ANK3: variants seen among roughly 807,000 people sequenced by gnomAD.
ANK3 encodes ankyrin-3.
A neutral mutation model predicts 370.9 loss-of-function variants in ANK3; 57 were observed. That is an observed-to-expected ratio of 0.15 (90% CI 0.12 to 0.19). The LOEUF (loss-of-function observed/expected upper bound fraction) is 0.19. Ranked by LOEUF, ANK3 falls within the 10% of genes least tolerant of loss-of-function variation. ANK3 has a pLI of 1.00. For synonymous variants in ANK3, 1,929 were observed against 1,946.3 expected, an observed-to-expected ratio of 0.99 and a Z score of 0.23; for missense variants, 4,439 against 5,302.1, an observed-to-expected ratio of 0.84 and a Z score of 5.06.
intron 4 of ANK3, among the ~76,000 whole-genome samples, chr10:60,276,479 C>T (rs2098091308): frequency 6.6e-6 from 1 of 152,160 alleles, no homozygotes; most frequent in South Asian, 2.1e-4. Context: ...CAATGCAGTT[C>T]AGAAGGCATA....
At chr10:60,054,505 C>T (rs556420518) in intron 42 of ANK3, among the ~76,000 whole-genome samples, 1 of 152,162 alleles carries the variant, frequency 6.6e-6, no homozygotes, top group Non-Finnish European at 1.5e-5. Context: ...TATATCAAAG[C>T]AACTTACTTA....
At chr10:60,420,176 C>T (rs2060115652) in intron 2 of ANK3, among the ~76,000 whole-genome samples, 1 of 152,092 alleles carries the variant, frequency 6.6e-6, no homozygotes, top group South Asian at 2.1e-4. Context: ...GGAGCACTCA[C>T]CTAACATGGG....
At position 60,636,453 on chromosome 10, in the gene ANK3, T is replaced by C. The variant is rs78176003; in HGVS notation, c.58-21229A>G. 2.0e-3 allele frequency among the ~76,000 whole-genome samples: 307 copies of C among 152,344 alleles called. 1 individual carries two copies. The highest frequency in any genetic ancestry group is 7.0e-3 in the African/African-American group (291 of 41,588). ...GTCCAACTTTCTTCTCTTCGTGTGA[T>C]GGCTAACTTTGCATCTGGTTTTTCA... On this transcript the variant is annotated intron_variant, in intron 1 of 43. Coordinates refer to the ANK3 transcript ENST00000373827.
rs1445239454 is a variant in ANK3 at position 60,086,745 on chromosome 10, C to T, written c.3680G>A (p.Gly1227Glu). Residue 1227 changes from glycine to glutamate, a missense_variant, in exon 30 of 44, where the codon GGA (glycine) becomes GAA (glutamate). Coordinates refer to ENST00000280772, the MANE Select transcript of ANK3 (RefSeq NM_020987.5). ...TMTIPVPPPSGEGVSNGYKGD... is the reference protein window; with the variant it reads ...TMTIPVPPPSEEGVSNGYKGD... Reference sequence around the variant, plus strand: ...TTTGTATCCATTGGATACACCTTCTCCTGAGGGCGGGGGCACCGGAATGGT... The same window carrying T: ...TTTGTATCCATTGGATACACCTTCTTCTGAGGGCGGGGGCACCGGAATGGT... 2 of 1,613,994 alleles carry T rather than the reference C, an allele frequency of 1.2e-6. No homozygotes were observed. Among genetic ancestry groups the T allele is most frequent in the East Asian group, 2.2e-5 (1 of 44,850 alleles).
At chr10:60,417,708 T>A (rs557505461) in intron 2 of ANK3, among the ~76,000 whole-genome samples, 22 of 152,222 alleles carry the variant, frequency 1.4e-4, no homozygotes, top group African/African-American at 4.8e-4. Context: ...GGCAGGTGGA[T>A]GATGTCACAA....
chr10:60,252,404 TG>T (rs968407957), intron 7 of ANK3, among the ~76,000 whole-genome samples: 2 of 152,242 alleles, frequency 1.3e-5, no homozygotes, highest in East Asian at 1.9e-4. Flanking sequence ...TTTCACTGAA[TG>T]GGGGAAATAA....
chr10:60,173,033 TC>T (rs1345700299), intron 19 of ANK3, 35 bp from the exon 20 acceptor site: 1 of 1,609,292 alleles, frequency 6.2e-7, no homozygotes, highest in East Asian at 2.2e-5. Context: ...GATTCTTAAT[TC>T]CTTTGAAGCA....
At chr10:60,455,744 A>C (rs1474111534) in intron 2 of ANK3, among the ~76,000 whole-genome samples, 4 of 152,136 alleles carry the variant, frequency 2.6e-5, no homozygotes, top group South Asian at 2.1e-4. Flanking sequence ...GGCTAACCCT[A>C]TAGGAGGCTT....
At chr10:60,270,927 C>T (rs935257132) in intron 4 of ANK3, among the ~76,000 whole-genome samples, 4 of 152,052 alleles carry the variant, frequency 2.6e-5, no homozygotes, top group African/African-American at 9.7e-5. Flanking sequence ...TATATGGATA[C>T]ATATTACATG....
chr10:60,223,442 T>A (rs1272861427), intron 8 of ANK3, among the ~76,000 whole-genome samples: 1 of 152,206 alleles, frequency 6.6e-6, no homozygotes, highest in Non-Finnish European at 1.5e-5. Context: ...TCATGAATAA[T>A]TTTTTAATTT....
intron 1 of ANK3, among the ~76,000 whole-genome samples, chr10:60,345,588 G>A (rs1396236286): frequency 6.6e-6 from 1 of 152,044 alleles, no homozygotes; most frequent in South Asian, 2.1e-4. Flanking sequence ...TTTCTTATCT[G>A]GATGAACTAT....
chr10:60,581,783 G>A (rs2077757871), intron 2 of ANK3, among the ~76,000 whole-genome samples: 1 of 151,974 alleles, frequency 6.6e-6, no homozygotes, highest in Non-Finnish European at 1.5e-5. Flanking sequence ...TTGCTGATGA[G>A]TTGTTGGAAT....
intron 2 of ANK3, among the ~76,000 whole-genome samples, chr10:60,536,123 T>C (rs567624756): frequency 6.6e-6 from 1 of 152,136 alleles, no homozygotes; most frequent in Non-Finnish European, 1.5e-5. Flanking sequence ...AAAACTACTT[T>C]CAACAAGTTT....
At chr10:60,572,350 T>C (rs2077621193) in intron 2 of ANK3, 1 of 1,055,936 alleles carries the variant, frequency 9.5e-7, no homozygotes, top group Admixed American at 2.8e-5. Context: ...AGCATTCAGA[T>C]TCTAGCAGCT....
intron 1 of ANK3, among the ~76,000 whole-genome samples, chr10:60,310,341 A>G (rs1239634586): frequency 1.3e-5 from 2 of 152,192 alleles, no homozygotes; most frequent in Non-Finnish European, 2.9e-5. Context: ...TTTTATTCCA[A>G]GTTTTATTTA....
At chr10:60,488,080 A>G (rs546634182) in intron 2 of ANK3, among the ~76,000 whole-genome samples, 2 of 152,296 alleles carry the variant, frequency 1.3e-5, no homozygotes, top group South Asian at 4.1e-4. Context: ...TGCTTTTTCT[A>G]CTATACCAAA....
At chr10:60,370,676 T>C (rs1045359727) in intron 1 of ANK3, among the ~76,000 whole-genome samples, 14 of 152,154 alleles carry the variant, frequency 9.2e-5, no homozygotes, top group African/African-American at 3.1e-4. Flanking sequence ...TCATGCCCAG[T>C]GAATGACAGC....
chr10:60,445,980 T>C (rs1317436097), intron 2 of ANK3, among the ~76,000 whole-genome samples: 2 of 152,226 alleles, frequency 1.3e-5, no homozygotes, highest in East Asian at 3.8e-4. Flanking sequence ...TTTTCTCCAT[T>C]AGTGCTGTTC....
At chr10:60,225,269 T>G (rs908185903) in intron 8 of ANK3, among the ~76,000 whole-genome samples, 2 of 152,178 alleles carry the variant, frequency 1.3e-5, no homozygotes, top group Non-Finnish European at 2.9e-5. Context: ...GTCCTCATTT[T>G]TTTTGTGTTA....
Sources: gnomAD v4.1 joint callset for allele counts (sites outside exome capture counted in the v4.1 genomes callset) on GRCh38, gnomAD v4.1.1 for gene constraint, MANE v1.5 for transcripts, NCBI Gene and HGNC (gene_info 2026-07-23, HGNC 2026-07-21) for gene names.